The following TRPC5OS variants were observed in gnomAD, a reference collection of about 807,000 sequenced individuals.
The protein encoded by TRPC5OS is putative uncharacterized protein TRPC5OS.
For missense variants in TRPC5OS, 64 were observed against 79.3 expected (o/e 0.81, Z 0.73); for synonymous variants, 30 against 29.3 (o/e 1.02, Z -0.08).
In TRPC5OS at chrX:111,879,579, G is replaced by A. The variant is rs758998962; in HGVS notation, c.-546+3306G>A. ...TGCTAAATACTCTTAAGACACTAAA[G>A]AGTGATGCATCCAAATAAAAAGAAT... On this transcript the variant is annotated intron_variant, in intron 1 of 3. Transcript: ENST00000635763. 5.3e-5 allele frequency among the ~76,000 whole-genome samples: 6 copies of A among 112,463 alleles called. No individual in the cohort carries two copies. In the East Asian group the frequency reaches 1.7e-3, roughly 31 times the overall value.
intron 1 of TRPC5OS, among the ~76,000 whole-genome samples, chrX:111,880,115 T>C (rs966163401): frequency 9.0e-6 from 1 of 111,499 alleles, no homozygotes; most frequent in Non-Finnish European, 1.9e-5. Context: ...CATGGCTATT[T>C]TCCTACAGCT....
intron 1 of TRPC5OS, among the ~76,000 whole-genome samples, chrX:111,879,840 T>C (rs1603071284): frequency 8.9e-6 from 1 of 112,539 alleles, no homozygotes; most frequent in South Asian, 3.7e-4. Context: ...CCCCCATCTG[T>C]TCAACTCTAA....
Position 111,902,033 on chromosome X carries a change from C to T in TRPC5OS, c.184C>T (p.Pro62Ser). 1 of 1,155,274 alleles carries T rather than the reference C, an allele frequency of 8.7e-7. No individual in the cohort carries two copies. The highest frequency in any genetic ancestry group is 1.1e-6 in the Non-Finnish European group (1 of 872,589). Residue 62 changes from proline (P) to serine (S), a missense_variant, in exon 4 of 4, where the codon CCT becomes TCT. By Grantham distance (74) the Pro-to-Ser change is moderately conservative (BLOSUM62 -1). Coordinates refer to ENST00000635763, the MANE Select transcript of TRPC5OS (RefSeq NM_001195578.2). ...ACCTCTTCCCGAGGAGCCTTCGCTA[C>T]CTGATCTCCCTGATCTCTCAGACTT... ...DAPLPEEPSLPDLPDLSDLDS... is the reference protein window; with the variant it reads ...DAPLPEEPSLSDLPDLSDLDS...
intron 3 of TRPC5OS, among the ~76,000 whole-genome samples, chrX:111,900,410 G>T (rs767027131): frequency 1.8e-5 from 2 of 112,135 alleles, no homozygotes; most frequent in South Asian, 7.3e-4. Flanking sequence ...AAGGTATATA[G>T]CTACACTGAT....
At chrX:111,888,766 A>T (rs1017641723) in intron 1 of TRPC5OS, among the ~76,000 whole-genome samples, 10 of 108,023 alleles carry the variant, frequency 9.3e-5, no homozygotes, top group African/African-American at 3.4e-4. Flanking sequence ...AGGCAAAGAG[A>T]CTCCTGTCAG....
intron 3 of TRPC5OS, among the ~76,000 whole-genome samples, chrX:111,900,386 A>G (rs1199702528): frequency 8.9e-6 from 1 of 112,023 alleles, no homozygotes; most frequent in Non-Finnish European, 1.9e-5. Context: ...TATACCCAAG[A>G]AAAAAACTGG....
At chrX:111,888,019 A>C (rs1471877699) in intron 1 of TRPC5OS, among the ~76,000 whole-genome samples, 1 of 111,903 alleles carries the variant, frequency 8.9e-6, no homozygotes, top group Non-Finnish European at 1.9e-5. Flanking sequence ...TAAAATTTAC[A>C]AAGGTGGTAA....
At chrX:111,888,381 A>G (rs1322557506) in intron 1 of TRPC5OS, among the ~76,000 whole-genome samples, 2 of 109,420 alleles carry the variant, frequency 1.8e-5, no homozygotes, top group Non-Finnish European at 3.8e-5. Context: ...GTCCTGTTGA[A>G]AAAGAGACTG....
intron 1 of TRPC5OS, among the ~76,000 whole-genome samples, chrX:111,879,781 A>G (rs1171563273): frequency 3.5e-5 from 4 of 112,693 alleles, no homozygotes; most frequent in Non-Finnish European, 7.5e-5. Flanking sequence ...TTCAGGTTAA[A>G]TCATGCCAGG....
chrX:111,895,834 A>T (rs1163022979), intron 1 of TRPC5OS, 117 bp from the exon 2 acceptor site: 1 of 111,565 alleles, frequency 9.0e-6, no homozygotes, highest in Admixed American at 9.6e-5. Flanking sequence ...CACTATTACT[A>T]GCCTTTATTT....
At chrX:111,885,943 C>A (rs776719225) in intron 1 of TRPC5OS, among the ~76,000 whole-genome samples, 1 of 111,593 alleles carries the variant, frequency 9.0e-6, no homozygotes, top group Non-Finnish European at 1.9e-5. Flanking sequence ...AGACTTGAAC[C>A]TAGGTTTCTC....
At position 111,902,196 on chromosome X, in the gene TRPC5OS, CT is replaced by C. The variant is rs1329374623; in HGVS notation, c.*12del. 4.7e-6 allele frequency: 5 copies of C among 1,052,887 alleles called. No individual in the cohort carries two copies. The highest frequency in any genetic ancestry group is 2.5e-4 in the Middle Eastern group (1 of 3,979). The allele number at this position is 1,052,887 out of a possible 1,213,427, so 86.8% of individuals were successfully genotyped here. On this transcript the variant is annotated 3_prime_UTR_variant, in exon 4 of 4. Coordinates refer to ENST00000635763, the MANE Select transcript of TRPC5OS (RefSeq NM_001195578.2). ...TTAACAGGTGACTAAGACCCAATTT[CT>C]GCCCCCGTCCCCAGGGATGTGAAAA...
intron 1 of TRPC5OS, among the ~76,000 whole-genome samples, chrX:111,886,078 G>A (rs749596050): frequency 5.6e-4 from 62 of 111,676 alleles, no homozygotes; most frequent in South Asian, 2.3e-3. Context: ...TCAGGGGTTC[G>A]AGAAAAGCCT....
intron 3 of TRPC5OS, among the ~76,000 whole-genome samples, chrX:111,899,229 G>C (rs764407811): frequency 1.8e-5 from 2 of 110,408 alleles, no homozygotes; most frequent in Middle Eastern, 4.7e-3. Flanking sequence ...TGAGTCCCCC[G>C]CCCCACAAAA....
At chrX:111,893,938 T>G (rs1023220749) in intron 1 of TRPC5OS, among the ~76,000 whole-genome samples, 6 of 112,048 alleles carry the variant, frequency 5.4e-5, no homozygotes, top group Non-Finnish European at 1.1e-4. Flanking sequence ...CATTTGCCCT[T>G]TGTGGATAAA....
chrX:111,885,722 A>C (rs903619995), intron 1 of TRPC5OS, among the ~76,000 whole-genome samples: 2 of 111,320 alleles, frequency 1.8e-5, no homozygotes, highest in Admixed American at 1.9e-4. Flanking sequence ...ACCTTCTGCA[A>C]TGCCATACAA....
intron 1 of TRPC5OS, among the ~76,000 whole-genome samples, chrX:111,888,169 G>A (rs1369626099): frequency 9.0e-6 from 1 of 111,622 alleles, no homozygotes; most frequent in Non-Finnish European, 1.9e-5. Context: ...TGTGCTTGGT[G>A]AATTTGAGGA....
At chrX:111,885,489 G>A in intron 1 of TRPC5OS, among the ~76,000 whole-genome samples, 1 of 108,375 alleles carries the variant, frequency 9.2e-6, no homozygotes, top group East Asian at 2.9e-4. Flanking sequence ...TCTGGGTCTT[G>A]GAAAACCCCT....
At chrX:111,898,264 T>C (rs1156507965) in intron 3 of TRPC5OS, among the ~76,000 whole-genome samples, 3 of 97,087 alleles carry the variant, frequency 3.1e-5, no homozygotes, top group African/African-American at 1.3e-4. Flanking sequence ...TATATATATA[T>C]ATATATATAT....
Sources: allele counts gnomAD v4.1 joint callset (sites outside exome capture counted in the v4.1 genomes callset), GRCh38; gene constraint gnomAD v4.1.1; transcripts MANE v1.5; gene names NCBI Gene and HGNC (gene_info 2026-07-23, HGNC 2026-07-21).